SKIC3: variants seen among roughly 807,000 people sequenced by gnomAD.
SKIC3 encodes the protein SKI3 subunit of superkiller complex, also known as superkiller complex protein 3.
chr5:95,465,130 G>C, the SKIC3 span, among the ~76,000 whole-genome samples: 1 of 151,884 alleles, frequency 6.6e-6, no homozygotes, highest in Non-Finnish European at 1.5e-5. Context: ...GTTTCACCAT[G>C]TTGGCCAGAG....
At chr5:95,547,780 A>G in the SKIC3 span, among the ~76,000 whole-genome samples, 1 of 152,128 alleles carries the variant, frequency 6.6e-6, no homozygotes, top group Non-Finnish European at 1.5e-5. Context: ...TCACAGATAA[A>G]ACACTAACAC....
the SKIC3 span, chr5:95,512,345 G>T: frequency 2.9e-6 from 3 of 1,019,314 alleles, no homozygotes; most frequent in Non-Finnish European, 4.3e-6. Context: ...CTGCTTCGCT[G>T]TTGCAAAAAG....
At chr5:95,538,400 C>A in the SKIC3 span, among the ~76,000 whole-genome samples, 1 of 152,076 alleles carries the variant, frequency 6.6e-6, no homozygotes. Flanking sequence ...TTATCCCCAG[C>A]TCTTAGGACC....
the SKIC3 span, among the ~76,000 whole-genome samples, chr5:95,505,058 A>G: frequency 6.6e-6 from 1 of 152,170 alleles, no homozygotes; most frequent in Non-Finnish European, 1.5e-5. Flanking sequence ...AAAGTGCAAT[A>G]CTTATTAATA....
the SKIC3 span, chr5:95,523,551 G>GA: frequency 2.0e-5 from 27 of 1,379,458 alleles, no homozygotes; most frequent in South Asian, 2.8e-5. Flanking sequence ...TGCACCTATA[G>GA]AAAAAAAACT....
chr5:95,477,707 T>G, the SKIC3 span, among the ~76,000 whole-genome samples: 2 of 152,186 alleles, frequency 1.3e-5, no homozygotes, highest in Non-Finnish European at 2.9e-5. Context: ...ACATGGTATA[T>G]TTAGAGATAT....
the SKIC3 span, among the ~76,000 whole-genome samples, chr5:95,468,724 A>G: frequency 6.6e-6 from 1 of 152,194 alleles, no homozygotes; most frequent in Non-Finnish European, 1.5e-5. Flanking sequence ...ATCACGTAGT[A>G]AGCACGTTGT....
At chr5:95,478,355 C>T in the SKIC3 span, 6 of 1,613,924 alleles carry the variant, frequency 3.7e-6, no homozygotes, top group Non-Finnish European at 5.1e-6. Flanking sequence ...CTCCAACTGC[C>T]CCGTTGGGAT....
chr5:95,520,539 T>A, the SKIC3 span, among the ~76,000 whole-genome samples: 2 of 148,500 alleles, frequency 1.3e-5, no homozygotes, highest in Non-Finnish European at 3.0e-5. Context: ...TATATCTGTT[T>A]CCCCAAGTGC....
At chr5:95,477,597 T>C in the SKIC3 span, among the ~76,000 whole-genome samples, 452 of 152,292 alleles carry the variant, frequency 3.0e-3, 3 homozygotes, top group Admixed American at 4.5e-3. Flanking sequence ...CTACTATCCT[T>C]TAAAACCCCC....
the SKIC3 span, chr5:95,512,864 T>G: frequency 2.2e-6 from 1 of 444,590 alleles, no homozygotes; most frequent in East Asian, 4.6e-5. Flanking sequence ...AACAGAGCCT[T>G]GCCTGATGGG....
At chr5:95,481,878 A>G in the SKIC3 span, among the ~76,000 whole-genome samples, 1 of 152,194 alleles carries the variant, frequency 6.6e-6, no homozygotes, top group South Asian at 2.1e-4. Context: ...CTATATCAAA[A>G]AGCCCTTTTG....
chr5:95,487,674 T>A, the SKIC3 span, among the ~76,000 whole-genome samples: 3 of 152,138 alleles, frequency 2.0e-5, no homozygotes, highest in African/African-American at 7.2e-5. Context: ...CATGGATACA[T>A]CTTCAGGAAA....
At chr5:95,504,929 C>T in the SKIC3 span, among the ~76,000 whole-genome samples, 12 of 151,814 alleles carry the variant, frequency 7.9e-5, no homozygotes, top group Non-Finnish European at 7.4e-5. Context: ...CACTTGAACC[C>T]GGGAGGCGGA....
the SKIC3 span, among the ~76,000 whole-genome samples, chr5:95,500,817 A>G: frequency 2.0e-5 from 3 of 152,162 alleles, no homozygotes; most frequent in Admixed American, 6.5e-5. Flanking sequence ...GTTTTAAACA[A>G]TGCTCACTGA....
chr5:95,550,680 A>G, the SKIC3 span: 5 of 152,618 alleles, frequency 3.3e-5, no homozygotes, highest in African/African-American at 1.2e-4. Flanking sequence ...GTATGAGACA[A>G]TCATATAAAA....
the SKIC3 span, among the ~76,000 whole-genome samples, chr5:95,483,609 C>T: frequency 6.6e-6 from 1 of 152,270 alleles, no homozygotes; most frequent in South Asian, 2.1e-4. Flanking sequence ...TCTTCTTTCT[C>T]TGTAAAATGT....
the SKIC3 span, chr5:95,509,744 T>TA: frequency 8.7e-7 from 1 of 1,155,458 alleles, no homozygotes; most frequent in South Asian, 1.3e-5. Flanking sequence ...ATTAACAAAA[T>TA]ATTCGTTTTA....
At chr5:95,536,654 T>C in the SKIC3 span, 1 of 640,376 alleles carries the variant, frequency 1.6e-6, no homozygotes, top group African/African-American at 1.8e-5. Context: ...TATTTATTAG[T>C]CTTTTCATAT....
Sources: gnomAD v4.1 joint callset for allele counts (sites outside exome capture counted in the v4.1 genomes callset) on GRCh38, gnomAD v4.1.1 for gene constraint, MANE v1.5 for transcripts, NCBI Gene and HGNC (gene_info 2026-07-23, HGNC 2026-07-21) for gene names.